VPS13A: variants seen among roughly 807,000 people sequenced by gnomAD.
The protein encoded by VPS13A is vacuolar protein sorting 13 homolog A, also known as intermembrane lipid transfer protein VPS13A.
VPS13A carries 264 observed loss-of-function variants against 390.9 expected under a neutral mutation model. The ratio of observed to expected loss-of-function variants is 0.68; its 90% CI spans 0.61 to 0.75. The LOEUF (loss-of-function observed/expected upper bound fraction) is 0.75, where lower values mean the gene tolerates loss of function less well. Among genes scored for constraint, VPS13A ranks in the 30% least tolerant of loss-of-function variants. The pLI is 0.00. For synonymous variants in VPS13A, 1,231 were observed against 1,227.1 expected (o/e 1.00, Z -0.07); for missense variants, 3,409 against 3,733.9 (o/e 0.91, Z 2.27).
At chr9:77,376,074 T>G (rs1833053417) in intron 67 of VPS13A, among the ~76,000 whole-genome samples, 1 of 149,440 alleles carries the variant, frequency 6.7e-6, no homozygotes, top group African/African-American at 2.5e-5. Context: ...TAAGATTATA[T>G]TTGAGGAGAG....
At chr9:77,304,923 G>A (rs12336602) in intron 34 of VPS13A, among the ~76,000 whole-genome samples, 15,420 of 151,246 alleles carry the variant, frequency 0.1, 821 homozygotes, top group Middle Eastern at 0.13. Context: ...CATCATTTTA[G>A]AGATTTCAGA....
chr9:77,350,978 T>A (rs1285981825), intron 52 of VPS13A: 1 of 273,476 alleles, frequency 3.7e-6, no homozygotes. Flanking sequence ...TAGGAAAGAG[T>A]TACCAATTAA....
At chr9:77,199,308 C>T (rs958408370) in intron 1 of VPS13A, among the ~76,000 whole-genome samples, 53 of 152,098 alleles carry the variant, frequency 3.5e-4, no homozygotes, top group African/African-American at 1.3e-3. Context: ...GCTGGGACTA[C>T]GGGTGCCTGC....
At chr9:77,303,100 T>C in intron 34 of VPS13A, 38 bp downstream of exon 34, 1 of 1,612,330 alleles carries the variant, frequency 6.2e-7, no homozygotes, top group Non-Finnish European at 8.5e-7. Flanking sequence ...TTTGTTTTGC[T>C]TGTTGAAAAA....
intron 68 of VPS13A, among the ~76,000 whole-genome samples, chr9:77,396,429 G>T (rs1834122233): frequency 6.6e-6 from 1 of 152,142 alleles, no homozygotes; most frequent in African/African-American, 2.4e-5. Flanking sequence ...TTGCTCTTCA[G>T]ATTTGACCAT....
chr9:77,375,250 A>G (rs1833003360), intron 67 of VPS13A, among the ~76,000 whole-genome samples: 1 of 152,200 alleles, frequency 6.6e-6, no homozygotes, highest in Admixed American at 6.5e-5. Flanking sequence ...TAGAAAAAAT[A>G]ATAAAGACTA....
rs1834463297 is a variant in VPS13A, at chr9:77,403,224, TTTTTC to T, written c.9190-7_9190-3del. 1.2e-6 allele frequency: 2 copies of T among 1,600,402 alleles called. No homozygotes were observed. The highest frequency in any genetic ancestry group is 1.7e-6 in the Non-Finnish European group (2 of 1,169,306). On this transcript the variant is annotated splice_region_variant and splice_polypyrimidine_tract_variant and intron_variant, in intron 68 of 71. Transcript: ENST00000360280. ...ATCAATTTTCTCATTGTCTCTCACT[TTTTTC>T]TTTTAGGTCATGGAAAATGGAAGAT...
chr9:77,238,150 T>G lies in VPS13A; in HGVS notation c.1744T>G (p.Cys582Gly). 2 of 1,613,764 alleles carry G rather than the reference T, an allele frequency of 1.2e-6. No individual in the cohort carries two copies. The highest frequency in any genetic ancestry group is 1.7e-6 in the Non-Finnish European group (2 of 1,179,852). Residue 582 changes from cysteine (C) to glycine (G), a missense_variant, in exon 18 of 72, where the codon TGT becomes GGT. By Grantham distance (159) the Cys-to-Gly change is radical (BLOSUM62 -3). Coordinates refer to ENST00000360280, the MANE Select transcript of VPS13A (RefSeq NM_033305.3). ...ATTAGATGAAACTGTTTCTCAGAGGTGTATCATAGAAGCTGAACCTTTAGA... is the reference window on the plus strand; with the variant it reads ...ATTAGATGAAACTGTTTCTCAGAGGGGTATCATAGAAGCTGAACCTTTAGA... ...NPLDETVSQRCIIEAEPLEII... is the reference protein window; with the variant it reads ...NPLDETVSQRGIIEAEPLEII...
In VPS13A at chr9:77,358,299, T is replaced by C. The variant is rs964595267; in HGVS notation, c.7954-58T>C. ...TCTTTTTGTTCCTCAAATCCTGTTA[T>C]TCTGGTCAGGTTGTATAATTGACAT... On this transcript the variant is annotated intron_variant, in intron 56 of 71. Transcript: ENST00000360280. 26 of 1,398,708 alleles carry C rather than the reference T, an allele frequency of 1.9e-5. No individual in the cohort carries two copies. In the Admixed American group the frequency reaches 2.0e-4, roughly 11 times the overall value. 86.6% of individuals were successfully genotyped at this position (1,398,708 alleles called of 1,614,324 possible).
chr9:77,253,163 G>C (rs140002811), intron 22 of VPS13A, among the ~76,000 whole-genome samples: 2,166 of 152,178 alleles, frequency 0.014, 43 homozygotes, highest in South Asian at 0.043. Flanking sequence ...TATTTTAATA[G>C]TCATCCTAAT....
chr9:77,274,005 A>G (rs1044886887), intron 24 of VPS13A, among the ~76,000 whole-genome samples: 4 of 152,338 alleles, frequency 2.6e-5, no homozygotes, highest in Non-Finnish European at 5.9e-5. Context: ...CTGTAGTCAT[A>G]TAAGAAATTT....
chr9:77,226,448 A>G lies in VPS13A; in HGVS notation c.1225-18A>G, dbSNP rs1160665000. On this transcript the variant is annotated intron_variant, in intron 14 of 71. Coordinates refer to ENST00000360280, the MANE Select transcript of VPS13A (RefSeq NM_033305.3). ...TAAAGGATAATGTGTCATTTATTTGAAAATTTATTCATTTTAGGTAAAGAA... is the reference window on the plus strand; with the variant it reads ...TAAAGGATAATGTGTCATTTATTTGGAAATTTATTCATTTTAGGTAAAGAA... 7.5e-6 allele frequency: 12 copies of G among 1,593,434 alleles called. No individual in the cohort carries two copies. Among genetic ancestry groups the G allele is most frequent in the Non-Finnish European group, 1.0e-5 (12 of 1,161,846 alleles).
rs776724808 is a variant in VPS13A, at chr9:77,206,329, T to TATATATATATATATA, written c.385+250_385+251insATATATATATATATA. On this transcript the variant is annotated intron_variant, in intron 5 of 71. Transcript: ENST00000360280. ...TATTATTATTAGGTTTACATATTTT[T>TATATATATATATATA]TATATATATATATATACACACACAC... Among the ~76,000 whole-genome samples the TATATATATATATATA allele has an allele frequency of 2.7e-5, 4 of 146,596 alleles. No homozygotes were observed. The South Asian group carries it at 8.7e-4, about 32-fold the overall frequency.
chr9:77,401,235 ATT>A (rs1163449629), intron 68 of VPS13A, among the ~76,000 whole-genome samples: 1 of 151,742 alleles, frequency 6.6e-6, no homozygotes, highest in Non-Finnish European at 1.5e-5. Context: ...ATTACCACAT[ATT>A]TTTCCTAGCT....
chr9:77,398,913 A>G (rs1050579670), intron 68 of VPS13A, among the ~76,000 whole-genome samples: 3 of 149,748 alleles, frequency 2.0e-5, no homozygotes, highest in Non-Finnish European at 4.4e-5. Flanking sequence ...AAACTATCGC[A>G]AGAACAAAAA....
In VPS13A at chr9:77,184,282, A is replaced by G. The variant is rs571477276; in HGVS notation, c.100+6478A>G. 2.0e-5 allele frequency among the ~76,000 whole-genome samples: 3 copies of G among 152,278 alleles called. No homozygotes were observed. The South Asian group carries it at 6.2e-4, about 32-fold the overall frequency. On this transcript the variant is annotated intron_variant, in intron 1 of 71. Transcript: ENST00000360280. ...TCTAATTTTTTTCTTTCTGTCATAC[A>G]TACACATCTATTCTGCTTTGCTGAG...
intron 45 of VPS13A, among the ~76,000 whole-genome samples, chr9:77,325,860 T>G (rs1408418987): frequency 6.6e-6 from 1 of 152,196 alleles, no homozygotes; most frequent in Non-Finnish European, 1.5e-5. Flanking sequence ...CAAGTTACTA[T>G]TTTTCTTAAA....
chr9:77,220,871 T>C (rs755158335), intron 12 of VPS13A, among the ~76,000 whole-genome samples: 3 of 152,136 alleles, frequency 2.0e-5, no homozygotes, highest in Non-Finnish European at 4.4e-5. Flanking sequence ...ACAATTACTC[T>C]TTCAGTTGAC....
chr9:77,407,575 A>C lies in VPS13A; in HGVS notation c.9442A>C (p.Ile3148Leu), dbSNP rs1318244264. 6.2e-7 allele frequency: 1 copy of C among 1,613,066 alleles called. No homozygotes were observed. The highest frequency in any genetic ancestry group is 8.5e-7 in the Non-Finnish European group (1 of 1,179,336). The change falls in exon 71 of 72, where the codon ATA becomes CTA. Residue 3148 changes from isoleucine (I) to leucine (L), a missense_variant. Physicochemically the swap from Ile to Leu is conservative, Grantham distance 5. This residue lies in a region of VPS13A where 318 missense variants were observed against 333.7 expected (regional missense o/e 0.95). Transcript: ENST00000360280. The part of the protein sequence containing the change: ...SVFHAREFGK[I>L]INFKTPEDAR... ...ATTTCATGCCAGAGAGTTTGGAAAAATAATTAACTTCAAGACCCCAGAGGA... is the reference window on the plus strand; with the variant it reads ...ATTTCATGCCAGAGAGTTTGGAAAACTAATTAACTTCAAGACCCCAGAGGA...
Sources: gnomAD v4.1 joint callset for allele counts (sites outside exome capture counted in the v4.1 genomes callset) on GRCh38, gnomAD v4.1.1 for gene constraint, gnomAD v4.1.1 regional missense constraint, MANE v1.5 for transcripts, NCBI Gene and HGNC (gene_info 2026-07-23, HGNC 2026-07-21) for gene names.